Variants in C10orf90 observed in about 807,000 individuals in gnomAD.
C10orf90 encodes (E2-independent) E3 ubiquitin-conjugating enzyme FATS.
In C10orf90, 56 loss-of-function variants were observed where a neutral mutation model predicts 62.5. The observed-to-expected ratio is 0.90, with a 90% CI of 0.72 to 1.12. The LOEUF is 1.12. C10orf90 is among the 50% of genes most tolerant of loss of function. The probability of loss-of-function intolerance (pLI) is 0.00; values close to 1 mark genes in which losing one functional copy is unlikely to be tolerated. For synonymous variants in C10orf90, 386 were observed against 340.4 expected (o/e 1.13, Z -1.47); for missense variants, 970 against 880.4 (o/e 1.10, Z -1.29).
chr10:126,519,096 C>A lies in C10orf90; in HGVS notation c.314-5157G>T, dbSNP rs938686055. 2.0e-5 allele frequency among the ~76,000 whole-genome samples: 3 copies of A among 152,208 alleles called. 1 individual carries two copies. Among genetic ancestry groups the A allele is most frequent in the African/African-American group, 7.2e-5 (3 of 41,530 alleles). ...ACAGAGCCCTTCCAGCAGAGGGAAC[C>A]AGGAAAAGTTGGTGGGAGGGAGGAG... On this transcript the variant is annotated intron_variant, in intron 2 of 9. Transcript: ENST00000488181.
At chr10:126,457,381 G>A (rs77548755) in intron 7 of C10orf90, among the ~76,000 whole-genome samples, 6,237 of 152,244 alleles carry the variant, frequency 0.041, 143 homozygotes, top group East Asian at 0.054. Flanking sequence ...TGCCTCTGGC[G>A]CTTGGGATGA....
intron 2 of C10orf90, among the ~76,000 whole-genome samples, chr10:126,596,615 C>A (rs553271500): frequency 5.3e-5 from 8 of 152,204 alleles, no homozygotes; most frequent in Non-Finnish European, 1.2e-4. Context: ...ACTCAGAACA[C>A]TTACATTAGC....
intron 2 of C10orf90, among the ~76,000 whole-genome samples, chr10:126,635,830 C>T (rs1226456397): frequency 6.6e-6 from 1 of 152,144 alleles, no homozygotes; most frequent in East Asian, 1.9e-4. Flanking sequence ...GAAAGATTTC[C>T]ATTTAAAAAT....
intron 2 of C10orf90, among the ~76,000 whole-genome samples, chr10:126,641,479 C>T (rs965950132): frequency 1.3e-5 from 2 of 152,056 alleles, no homozygotes; most frequent in Non-Finnish European, 2.9e-5. Flanking sequence ...CCGCCATCCG[C>T]CCGCTCCTTT....
chr10:126,472,842 G>A (rs566431655), intron 4 of C10orf90, among the ~76,000 whole-genome samples: 119 of 152,254 alleles, frequency 7.8e-4, no homozygotes, highest in Non-Finnish European at 1.4e-3. Context: ...GTGTGTCTGC[G>A]TGTGTGCATG....
At chr10:126,487,122 C>A (rs1462448701) in intron 4 of C10orf90, among the ~76,000 whole-genome samples, 3 of 52,990 alleles carry the variant, frequency 5.7e-5, no homozygotes, top group Non-Finnish European at 1.0e-4. Flanking sequence ...CCAGCCTGGG[C>A]AACAACAGTA....
rs1338780997 is a variant in C10orf90, at chr10:126,504,961, C to A, written c.530G>T (p.Arg177Leu). The A allele has an allele frequency of 5.6e-6, 9 of 1,614,048 alleles. No individual in the cohort carries two copies. The highest frequency in any genetic ancestry group is 7.6e-6 in the Non-Finnish European group (9 of 1,180,022). ...CAGAGATTGCTTGGCGTGATGTGCA[C>A]GAGACTGAGCAATGGCACACGGTAG... ...LPLPCAIAQS[R>L]AHHAKQSLAN... Residue 177 changes from arginine (R) to leucine (L), a missense_variant, in exon 4 of 10, where the codon CGT (arginine) becomes CTT (leucine). Transcript: ENST00000488181. The surrounding 1 kb of genome is among the most constrained non-coding windows in gnomAD (Gnocchi z 4.1).
At chr10:126,571,047 G>A (rs1844494694) in intron 2 of C10orf90, among the ~76,000 whole-genome samples, 1 of 152,134 alleles carries the variant, frequency 6.6e-6, no homozygotes, top group Non-Finnish European at 1.5e-5. Context: ...CCATTAAATA[G>A]ATGTGCTTGC....
intron 2 of C10orf90, among the ~76,000 whole-genome samples, chr10:126,615,445 T>G (rs1845520924): frequency 6.6e-6 from 1 of 152,214 alleles, no homozygotes; most frequent in Non-Finnish European, 1.5e-5. Flanking sequence ...TTTTACTTGT[T>G]AGTAATATTT....
At chr10:126,565,035 A>AAT (rs1844301881) in intron 2 of C10orf90, among the ~76,000 whole-genome samples, 9 of 18,008 alleles carry the variant, frequency 5.0e-4, no homozygotes, top group African/African-American at 6.4e-4. Flanking sequence ...ATATTATATA[A>AAT]AATATATAAT....
rs1277793804 is a variant in C10orf90, at chr10:126,461,574, A to T, written c.1837T>A (p.Cys613Ser). The change falls in exon 6 of 10, where the codon TGC becomes AGC. Residue 613 changes from cysteine to serine, a missense_variant. Coordinates refer to ENST00000488181, the MANE Select transcript of C10orf90 (RefSeq NM_001350921.2). ...TTTATTTTTACAACCAAGTCACAGCATGTGTAATCTCCTAGGAGAGAAGAT... is the reference window on the plus strand; with the variant it reads ...TTTATTTTTACAACCAAGTCACAGCTTGTGTAATCTCCTAGGAGAGAAGAT... ...ESKFPKGDYT[C>S]CDLVVKIKEC... 1 of 1,612,974 alleles carries T rather than the reference A, an allele frequency of 6.2e-7. No homozygotes were observed. The highest frequency in any genetic ancestry group is 1.7e-4 in the Middle Eastern group (1 of 6,028).
chr10:126,599,245 C>T lies in C10orf90; in HGVS notation c.313+47320G>A, dbSNP rs528456521. On this transcript the variant is annotated intron_variant, in intron 2 of 9. Coordinates refer to ENST00000488181, the MANE Select transcript of C10orf90 (RefSeq NM_001350921.2). ...TGTCACCCAGGCTGGAGTGCAGTGG[C>T]GGGGATCTCAGCTTACTGCAAGCTT... Among the ~76,000 whole-genome samples the T allele has an allele frequency of 7.4e-3, 1,068 of 145,206 alleles. 8 individuals carry two copies. Among genetic ancestry groups the T allele is most frequent in the Non-Finnish European group, 0.011 (716 of 67,152 alleles).
At chr10:126,557,796 C>G (rs1366961771) in intron 2 of C10orf90, among the ~76,000 whole-genome samples, 1 of 152,034 alleles carries the variant, frequency 6.6e-6, no homozygotes, top group Non-Finnish European at 1.5e-5. Flanking sequence ...CTTCTTTCTG[C>G]TCCTTTTTGT....
At chr10:126,512,197 G>A (rs188514460) in intron 3 of C10orf90, 1 of 151,908 alleles carries the variant, frequency 6.6e-6, no homozygotes, top group Non-Finnish European at 1.5e-5. Flanking sequence ...GTGGTCAGAA[G>A]GTATAATTTC....
intron 4 of C10orf90, among the ~76,000 whole-genome samples, chr10:126,490,058 TATAATATATAATATATAATATAATA>T (rs1234660053): frequency 1.9e-5 from 2 of 103,112 alleles, no homozygotes; most frequent in African/African-American, 7.4e-5. Flanking sequence ...TATTATGTTA[TATAATATATAATATATAATATAATA>T]ATAATATATA....
At chr10:126,473,409 C>A (rs1860692033) in intron 4 of C10orf90, among the ~76,000 whole-genome samples, 1 of 152,188 alleles carries the variant, frequency 6.6e-6, no homozygotes, top group African/African-American at 2.4e-5. Context: ...AACATTTTGG[C>A]ATCGTAGGCC....
chr10:126,665,093 G>A (rs769171751), intron 1 of C10orf90, among the ~76,000 whole-genome samples: 3 of 152,174 alleles, frequency 2.0e-5, no homozygotes, highest in Non-Finnish European at 4.4e-5. Context: ...GTGAGGCAGG[G>A]GCTCCCAGCC....
intron 2 of C10orf90, among the ~76,000 whole-genome samples, chr10:126,554,523 C>T (rs1028071264): frequency 3.3e-5 from 5 of 152,204 alleles, no homozygotes; most frequent in Admixed American, 2.0e-4. Context: ...GTGTAGTTTG[C>T]TGCACGTATG....
intron 7 of C10orf90, among the ~76,000 whole-genome samples, chr10:126,441,818 T>C (rs569192875): frequency 1.7e-4 from 26 of 152,112 alleles, no homozygotes; most frequent in Non-Finnish European, 2.9e-4. Context: ...ACAGTATTTT[T>C]CAGATAAACA....
Sources: gnomAD v4.1 joint callset for allele counts (sites outside exome capture counted in the v4.1 genomes callset) on GRCh38, gnomAD v4.1.1 for gene constraint, Gnocchi (gnomAD v3.1) non-coding constraint, MANE v1.5 for transcripts, NCBI Gene and HGNC (gene_info 2026-07-23, HGNC 2026-07-21) for gene names.